The following GNAT2 variants were observed in gnomAD, a reference collection of about 807,000 sequenced individuals.
GNAT2 encodes the protein G protein subunit alpha transducin 2, also known as guanine nucleotide-binding protein G(t) subunit alpha-2.
A neutral mutation model predicts 40.9 loss-of-function variants in GNAT2; 32 were observed. That is an observed-to-expected ratio of 0.78 (90% confidence interval 0.59 to 1.05). GNAT2 has a LOEUF of 1.05. GNAT2 is among the 50% of genes least tolerant of loss of function. GNAT2 has a pLI of 0.00. For missense variants in GNAT2, 355 were observed against 431.5 expected, an observed-to-expected ratio of 0.82 and a Z score of 1.57; for synonymous variants, 141 against 157.2, an observed-to-expected ratio of 0.90 and a Z score of 0.77.
chr1:109,603,980 T>G lies in GNAT2; in HGVS notation c.845A>C (p.His282Pro), dbSNP rs779967692. ...ATACTCTGGAAAACAAATGCTGAGA[T>G]GGACTTTCTTGATTTTTTCCTCAAA... ...DLFEEKIKKV[H>P]LSICFPEYDG... Residue 282 changes from histidine (H) to proline (P), a missense_variant, in exon 8 of 9, where the codon CAT becomes CCT. Physicochemically the swap from His to Pro is moderately conservative, Grantham distance 77. Coordinates refer to ENST00000679935, the MANE Select transcript of GNAT2 (RefSeq NM_001377295.2). 21 of 1,610,296 alleles carry G rather than the reference T, an allele frequency of 1.3e-5. No homozygotes were observed. In the South Asian group the frequency reaches 2.3e-4, roughly 18 times the overall value.
At chr1:109,614,520 G>A (rs1490424438) in intron 1 of GNAT2, 2 of 152,232 alleles carry the variant, frequency 1.3e-5, no homozygotes, top group Non-Finnish European at 2.9e-5. Flanking sequence ...AGTGTACAGT[G>A]GCATTTACCT....
At chr1:109,613,129 G>A in intron 1 of GNAT2, 4 of 462,088 alleles carry the variant, frequency 8.7e-6, no homozygotes, top group South Asian at 8.2e-5. Flanking sequence ...AATGTGATAG[G>A]TCAAGCCAAT....
chr1:109,614,398 T>C (rs1046286595), intron 1 of GNAT2: 2 of 152,334 alleles, frequency 1.3e-5, no homozygotes, highest in East Asian at 3.9e-4. Flanking sequence ...TGTTTTTAAA[T>C]GGTATGTTAG....
chr1:109,612,403 T>C (rs1570566423), intron 2 of GNAT2: 1 of 357,254 alleles, frequency 2.8e-6, no homozygotes, highest in Non-Finnish European at 5.5e-6. Context: ...CTTAGAGTTC[T>C]CTGCAGATTG....
At chr1:109,614,430 A>G (rs1649892704) in intron 1 of GNAT2, 1 of 152,234 alleles carries the variant, frequency 6.6e-6, no homozygotes. Flanking sequence ...AGAGCCAGAG[A>G]AAATATTTTA....
chr1:109,613,084 T>G (rs191124987), intron 1 of GNAT2, 161 bp from the exon 2 acceptor site: 1 of 595,664 alleles, frequency 1.7e-6, no homozygotes, highest in Non-Finnish European at 3.0e-6. Flanking sequence ...GGAGACCTAC[T>G]TCTTAGTCTA....
rs550378438 is a variant in GNAT2, at chr1:109,610,261, G to A, written c.162-80C>T. On this transcript the variant is annotated intron_variant, in intron 3 of 8. Coordinates refer to ENST00000679935, the MANE Select transcript of GNAT2 (RefSeq NM_001377295.2). ...GATTAGGAATTTGGGGGTATTTAAA[G>A]GATCATAAGAATCCTATCTCTCTGT... 5 of 1,474,986 alleles carry A rather than the reference G, an allele frequency of 3.4e-6. No homozygotes were observed. The African/African-American group carries it at 5.5e-5, about 16-fold the overall frequency. 91.4% of individuals were successfully genotyped at this position (1,474,986 alleles called of 1,614,324 possible).
At position 109,610,192 on chromosome 1, in the gene GNAT2, C is replaced by A. The variant is rs866048418; in HGVS notation, c.162-11G>T. ...TCCTGGTGAATGATCCTGCAAGGGG[C>A]AGACACTCTGTCTTTAGCTGGACCT... On this transcript the variant is annotated splice_polypyrimidine_tract_variant and intron_variant, in intron 3 of 8. Coordinates refer to ENST00000679935, the MANE Select transcript of GNAT2 (RefSeq NM_001377295.2). 4.3e-6 allele frequency: 7 copies of A among 1,613,828 alleles called. No homozygotes were observed. The highest frequency in any genetic ancestry group is 1.3e-5 in the African/African-American group (1 of 75,020).
chr1:109,615,801 G>C (rs1410273997), intron 1 of GNAT2: 1 of 152,168 alleles, frequency 6.6e-6, no homozygotes, highest in Non-Finnish European at 1.5e-5. Flanking sequence ...AAAAAACAAA[G>C]TTATATGGCC....
Position 109,612,482 on chromosome 1 carries a change from G to C in GNAT2, c.118+271C>G, listed in dbSNP as rs549755222. 3.1e-4 allele frequency: 141 copies of C among 448,614 alleles called. 2 individuals carry two copies. Among genetic ancestry groups the C allele is most frequent in the South Asian group, 2.9e-3 (138 of 47,988 alleles). The allele number at this position is 448,614 out of a possible 1,614,324, so 27.8% of individuals were successfully genotyped here. Reference sequence around the variant, plus strand: ...GTTAGGTTTGGTTAGATTTGGAAATGGGTGGGTTCATGGTGGCCCTTGCAC... The same window carrying C: ...GTTAGGTTTGGTTAGATTTGGAAATCGGTGGGTTCATGGTGGCCCTTGCAC... On this transcript the variant is annotated intron_variant, in intron 2 of 8. Coordinates refer to ENST00000679935, the MANE Select transcript of GNAT2 (RefSeq NM_001377295.2).
At chr1:109,606,257 T>C (rs758934750) in intron 6 of GNAT2, 51 bp downstream of exon 6, 2 of 1,605,422 alleles carry the variant, frequency 1.2e-6, no homozygotes, top group South Asian at 1.1e-5. Context: ...TGTGCCCCTT[T>C]TCAGGATTCC....
chr1:109,606,513 A>C, intron 5 of GNAT2, 77 bp from the exon 6 acceptor site: 1 of 1,184,128 alleles, frequency 8.4e-7, no homozygotes, highest in Admixed American at 1.7e-5. Context: ...TCTTACCCAA[A>C]GTCACACAGC....
At chr1:109,604,347 C>T in intron 7 of GNAT2, 1 of 528,368 alleles carries the variant, frequency 1.9e-6, no homozygotes. Flanking sequence ...GTTTTCCTAT[C>T]TTATAGGGTT....
rs1423248404 is a variant in GNAT2, at chr1:109,612,926, G to A, written c.-53-3C>T. On this transcript the variant is annotated splice_region_variant and splice_polypyrimidine_tract_variant and intron_variant, in intron 1 of 8. Coordinates refer to ENST00000679935, the MANE Select transcript of GNAT2 (RefSeq NM_001377295.2). ...CTAATCCTCTCTCGTAAGGTTTCCTGTATGTGAGATGGAAGAGAAGGAAAA... is the reference window on the plus strand; with the variant it reads ...CTAATCCTCTCTCGTAAGGTTTCCTATATGTGAGATGGAAGAGAAGGAAAA... 8.6e-7 allele frequency: 1 copy of A among 1,163,574 alleles called. No homozygotes were observed. Among genetic ancestry groups the A allele is most frequent in the African/African-American group, 1.5e-5 (1 of 66,406 alleles). The allele number at this position is 1,163,574 out of a possible 1,614,324, so 72.1% of individuals were successfully genotyped here.
In GNAT2 at chr1:109,603,887, A is replaced by T. The variant is rs989474103; in HGVS notation, c.874+64T>A. The stretch of plus-strand genomic sequence containing the variant: ...TTCCTTTGTGTCATCTTGGCCTAAA[A>T]AATGAGACAATTGCCAGTCTCTACT... On this transcript the variant is annotated intron_variant, in intron 8 of 8. Transcript: ENST00000679935. 20 of 1,248,358 alleles carry T rather than the reference A, an allele frequency of 1.6e-5. No individual in the cohort carries two copies. In the Admixed American group the frequency reaches 2.4e-4, roughly 15 times the overall value. The allele number at this position is 1,248,358 out of a possible 1,614,324, so 77.3% of individuals were successfully genotyped here. A position where few individuals can be genotyped will look rare whatever the true frequency, so the allele number is the denominator to read the frequency against.
intron 4 of GNAT2, 65 bp downstream of exon 4, chr1:109,609,975 C>A: frequency 1.3e-6 from 2 of 1,502,798 alleles, no homozygotes; most frequent in South Asian, 2.3e-5. Context: ...TTGTTGGCCT[C>A]TGGTATGTTT....
chr1:109,608,639 G>A lies in GNAT2; in HGVS notation c.453C>T (p.Ser151=), dbSNP rs1217388217. The part of the protein sequence containing the change: ...ERAAEYQLND[S]ASYYLNQLER... The stretch of plus-strand genomic sequence containing the variant: ...TCACCAGTCAGTCTTACTAAGATGC[G>A]GAGTCATTAAGCTGGTATTCTGCAG... Residue 151 remains serine, a synonymous_variant, in exon 5 of 9, where the codon TCC becomes TCT. Coordinates refer to ENST00000679935, the MANE Select transcript of GNAT2 (RefSeq NM_001377295.2). The A allele has an allele frequency of 2.9e-5, 47 of 1,613,584 alleles. No homozygotes were observed. Among genetic ancestry groups the A allele is most frequent in the African/African-American group, 4.0e-5 (3 of 74,872 alleles).
At position 109,603,475 on chromosome 1, in the gene GNAT2, T is replaced by A. The variant is rs1649494455; in HGVS notation, c.944A>T (p.Asp315Val). The A allele has an allele frequency of 6.2e-7, 1 of 1,606,340 alleles. No individual in the cohort carries two copies. Among genetic ancestry groups the A allele is most frequent in the South Asian group, 1.1e-5 (1 of 90,918 alleles). Reference sequence around the variant, plus strand: ...CATGTGACTGTAGATTTCTTTGACATCTTTTCGCATATTGAGGTCAAGGAA... The same window carrying A: ...CATGTGACTGTAGATTTCTTTGACAACTTTTCGCATATTGAGGTCAAGGAA... Reference protein sequence around the residue: ...SQFLDLNMRKDVKEIYSHMTC... With the variant: ...SQFLDLNMRKVVKEIYSHMTC... The change falls in exon 9 of 9, where the codon GAT becomes GTT. Residue 315 changes from aspartate (D) to valine (V), a missense_variant. Transcript: ENST00000679935.
chr1:109,610,323 G>T, intron 3 of GNAT2, 142 bp from the exon 4 acceptor site: 1 of 1,197,636 alleles, frequency 8.3e-7, no homozygotes, highest in Non-Finnish European at 1.2e-6. Context: ...TGAGGGACAA[G>T]GGGTACAGAT....
Sources: gnomAD v4.1 joint callset for allele counts on GRCh38, gnomAD v4.1.1 for gene constraint, MANE v1.5 for transcripts, NCBI Gene and HGNC (gene_info 2026-07-23, HGNC 2026-07-21) for gene names.